Variants in SHISA6 observed in about 807,000 individuals in gnomAD.
SHISA6 encodes protein shisa-6.
In SHISA6, 22 loss-of-function variants were observed where a neutral mutation model predicts 47.9. That is an observed-to-expected ratio of 0.46 (90% CI 0.33 to 0.66). The LOEUF is 0.66. Ranked by LOEUF, SHISA6 falls within the 30% of genes least tolerant of loss-of-function variation. The pLI, the probability that SHISA6 is intolerant of heterozygous loss-of-function variation, is 0.02. For missense variants in SHISA6, 680 were observed against 764.6 expected (o/e 0.89, Z 1.30); for synonymous variants, 388 against 337.8 (o/e 1.15, Z -1.63).
chr17:11,401,037 T>C (rs1913754996), intron 3 of SHISA6, among the ~76,000 whole-genome samples: 2 of 152,226 alleles, frequency 1.3e-5, no homozygotes, highest in Admixed American at 1.3e-4. Context: ...ATATATGTCA[T>C]GTGTTTCTAG....
chr17:11,443,049 G>A (rs1013536543), intron 3 of SHISA6, among the ~76,000 whole-genome samples: 7 of 152,336 alleles, frequency 4.6e-5, no homozygotes, highest in African/African-American at 1.4e-4. Context: ...CAACGATTAC[G>A]CTGTCTGCTG....
intron 3 of SHISA6, among the ~76,000 whole-genome samples, chr17:11,403,286 A>T (rs1202355894): frequency 2.0e-5 from 3 of 152,240 alleles, no homozygotes; most frequent in African/African-American, 7.2e-5. Flanking sequence ...ATCAGGGAAC[A>T]GGATGGAGTC....
chr17:11,502,323 GGCGT>G lies in SHISA6; in HGVS notation c.896-49571_896-49568del, dbSNP rs1222230220. 1.4e-3 allele frequency among the ~76,000 whole-genome samples: 210 copies of G among 148,964 alleles called. 1 individual carries two copies. Among genetic ancestry groups the G allele is most frequent in the African/African-American group, 4.7e-3 (189 of 40,374 alleles). ...ACTCGGGAGGCTGAGGCAGGAGAAT[GGCGT>G]GAACCCGGGAGGCGGAGCTTGCAGT... On this transcript the variant is annotated intron_variant, in intron 3 of 5. Transcript: ENST00000441885.
chr17:11,317,606 C>T (rs554581218), intron 2 of SHISA6, among the ~76,000 whole-genome samples: 1 of 151,790 alleles, frequency 6.6e-6, no homozygotes, highest in South Asian at 2.1e-4. Flanking sequence ...ATAATTATTT[C>T]GATTTTGTTT....
intron 2 of SHISA6, among the ~76,000 whole-genome samples, chr17:11,316,149 CA>C (rs1179519645): frequency 1.3e-5 from 1 of 76,436 alleles, no homozygotes; most frequent in Non-Finnish European, 2.9e-5. Flanking sequence ...TAAAGTTGAA[CA>C]TAGTGTTTTT....
At chr17:11,305,799 C>T (rs939228476) in intron 2 of SHISA6, among the ~76,000 whole-genome samples, 5 of 152,110 alleles carry the variant, frequency 3.3e-5, no homozygotes, top group Admixed American at 6.5e-5. Context: ...AGCACCATCA[C>T]GTCTGCTTAT....
chr17:11,401,036 A>C (rs1444389210), intron 3 of SHISA6, among the ~76,000 whole-genome samples: 1 of 152,130 alleles, frequency 6.6e-6, no homozygotes, highest in African/African-American at 2.4e-5. Flanking sequence ...CATATATGTC[A>C]TGTGTTTCTA....
intron 3 of SHISA6, among the ~76,000 whole-genome samples, chr17:11,481,281 A>AAT (rs145504863): frequency 1.5e-3 from 231 of 149,050 alleles, no homozygotes; most frequent in African/African-American, 2.7e-3. Context: ...ACCTTCTCAA[A>AAT]ATATATATAT....
intron 3 of SHISA6, among the ~76,000 whole-genome samples, chr17:11,420,418 C>T (rs567304713): frequency 1.3e-5 from 2 of 152,262 alleles, no homozygotes; most frequent in Admixed American, 6.5e-5. Flanking sequence ...TCCAAAGAGT[C>T]ACACAGCAGT....
At chr17:11,397,063 A>AT (rs753118011) in intron 3 of SHISA6, among the ~76,000 whole-genome samples, 36 of 152,072 alleles carry the variant, frequency 2.4e-4, no homozygotes, top group Non-Finnish European at 5.1e-4. Context: ...ATTAACTTAA[A>AT]TTTTTTTACA....
At chr17:11,398,270 T>A (rs75302834) in intron 3 of SHISA6, among the ~76,000 whole-genome samples, 3,723 of 152,314 alleles carry the variant, frequency 0.024, 131 homozygotes, top group African/African-American at 0.073. Flanking sequence ...TAAAAAGGCA[T>A]CCTCTTCTAT....
chr17:11,394,732 A>G (rs2142258601), intron 3 of SHISA6, among the ~76,000 whole-genome samples: 1 of 150,858 alleles, frequency 6.6e-6, no homozygotes, highest in South Asian at 2.1e-4. Flanking sequence ...ATAAAAGAAT[A>G]ACGGTGCAGA....
intron 3 of SHISA6, among the ~76,000 whole-genome samples, chr17:11,462,582 A>G (rs978321975): frequency 6.6e-6 from 1 of 152,134 alleles, no homozygotes; most frequent in African/African-American, 2.4e-5. Context: ...CCTTCCAGAG[A>G]TAATAAACAC....
intron 2 of SHISA6, among the ~76,000 whole-genome samples, chr17:11,376,498 G>T (rs528499749): frequency 3.0e-4 from 45 of 151,928 alleles, no homozygotes; most frequent in Admixed American, 7.2e-4. Flanking sequence ...CTCATTTTTT[G>T]TATTTTTAGT....
At chr17:11,400,688 A>G (rs1484329863) in intron 3 of SHISA6, among the ~76,000 whole-genome samples, 3 of 152,012 alleles carry the variant, frequency 2.0e-5, no homozygotes, top group Admixed American at 6.6e-5. Flanking sequence ...TCCATTTCCT[A>G]TATTTCTTTC....
chr17:11,273,584 G>A (rs1171845496), intron 2 of SHISA6, among the ~76,000 whole-genome samples: 1 of 152,336 alleles, frequency 6.6e-6, no homozygotes, highest in South Asian at 2.1e-4. Flanking sequence ...CTTTTCGTGT[G>A]TCATAATAGA....
intron 2 of SHISA6, among the ~76,000 whole-genome samples, chr17:11,379,166 T>C (rs1365536309): frequency 1.3e-5 from 2 of 148,266 alleles, no homozygotes; most frequent in African/African-American, 4.9e-5. Context: ...TATACACACA[T>C]ATATGTATAA....
At chr17:11,450,223 T>A (rs1347767110) in intron 3 of SHISA6, among the ~76,000 whole-genome samples, 1 of 152,170 alleles carries the variant, frequency 6.6e-6, no homozygotes, top group Non-Finnish European at 1.5e-5. Context: ...AAATTGAATT[T>A]AGGGGCCCAC....
At chr17:11,328,577 A>G (rs992538549) in intron 2 of SHISA6, among the ~76,000 whole-genome samples, 1 of 152,250 alleles carries the variant, frequency 6.6e-6, no homozygotes, top group African/African-American at 2.4e-5. Flanking sequence ...GAAACACTCA[A>G]TAAATAAATT....
Sources: gnomAD v4.1 joint callset for allele counts (sites outside exome capture counted in the v4.1 genomes callset) on GRCh38, gnomAD v4.1.1 for gene constraint, MANE v1.5 for transcripts, NCBI Gene and HGNC (gene_info 2026-07-23, HGNC 2026-07-21) for gene names.